EFL1: variants seen among roughly 807,000 people sequenced by gnomAD.
EFL1 encodes the protein elongation factor like GTPase 1.
EFL1 carries 76 observed loss-of-function variants against 126.7 expected under a neutral mutation model. The observed-to-expected ratio is 0.60, with a 90% CI of 0.50 to 0.73. The LOEUF (loss-of-function observed/expected upper bound fraction) is 0.73. EFL1 is among the 30% of genes least tolerant of loss of function. EFL1 has a pLI of 0.00. For missense variants in EFL1, 1,128 were observed against 1,343.2 expected (o/e 0.84, Z 2.50); for synonymous variants, 410 against 448.4 (o/e 0.91, Z 1.08).
rs2075141524 is a variant in EFL1 at position 82,262,709 on chromosome 15, CCG to C, written c.-117_-116del. The C allele has an allele frequency of 1.3e-6, 1 of 750,662 alleles. No individual in the cohort carries two copies. The highest frequency in any genetic ancestry group is 1.8e-5 in the African/African-American group (1 of 54,476). The allele number at this position is 750,662 out of a possible 1,614,324, so 46.5% of individuals were successfully genotyped here. A position where few individuals can be genotyped will look rare whatever the true frequency, so the allele number is the denominator to read the frequency against. Reference sequence around the variant, plus strand: ...CGAGAGCTCTGCGGGTCCGACACGCCCGCGCGCCAGGGGGCGGGGCCGGCTGT... The same window carrying C: ...CGAGAGCTCTGCGGGTCCGACACGCCCGCGCCAGGGGGCGGGGCCGGCTGT... On this transcript the variant is annotated 5_prime_UTR_variant, in exon 1 of 20. Coordinates refer to ENST00000268206, the MANE Select transcript of EFL1 (RefSeq NM_024580.6).
At chr15:82,210,745 G>A (rs1441721997) in intron 15 of EFL1, among the ~76,000 whole-genome samples, 2 of 151,636 alleles carry the variant, frequency 1.3e-5, no homozygotes, top group Admixed American at 6.6e-5. Flanking sequence ...GCTTGTAATC[G>A]CAGCTACTCG....
In EFL1 at chr15:82,130,535, C is replaced by T. The variant is rs1183063096; in HGVS notation, c.3201G>A (p.Val1067=). The change falls in exon 20 of 20, where the codon GTG becomes GTA. Residue 1067 remains valine, a synonymous_variant. Coordinates refer to ENST00000268206, the MANE Select transcript of EFL1 (RefSeq NM_024580.6). ...WEIIPSDPFW[V]PTTEEEYLHF... is the part of the protein sequence containing the mutation. ...GCAAGTATTCCTCCTCAGTAGTTGG[C>T]ACCCAGAAGGGGTCACTGGGAATGA... The T allele has an allele frequency of 1.2e-6, 2 of 1,613,990 alleles. No homozygotes were observed.
intron 16 of EFL1, among the ~76,000 whole-genome samples, chr15:82,161,762 A>G (rs1221998321): frequency 6.6e-6 from 1 of 152,208 alleles, no homozygotes; most frequent in African/African-American, 2.4e-5. Context: ...CATTTATTAG[A>G]CTATCTCATT....
intron 16 of EFL1, among the ~76,000 whole-genome samples, chr15:82,162,787 A>G (rs954012701): frequency 3.9e-5 from 6 of 152,208 alleles, no homozygotes; most frequent in African/African-American, 1.4e-4. Context: ...AGAACTTGAG[A>G]CAGCAATGAG....
At chr15:82,238,999 C>G (rs1385861281) in intron 6 of EFL1, among the ~76,000 whole-genome samples, 2 of 152,140 alleles carry the variant, frequency 1.3e-5, no homozygotes, top group Non-Finnish European at 2.9e-5. Flanking sequence ...TTATGTCCTA[C>G]CTCAGAGAGA....
intron 15 of EFL1, among the ~76,000 whole-genome samples, chr15:82,211,440 C>T (rs188950543): frequency 3.3e-5 from 5 of 151,294 alleles, no homozygotes; most frequent in East Asian, 3.9e-4. Flanking sequence ...GCAGAAGAAT[C>T]GCTTGAACCT....
At chr15:82,179,226 A>G (rs560580527) in intron 15 of EFL1, among the ~76,000 whole-genome samples, 1 of 152,306 alleles carries the variant, frequency 6.6e-6, no homozygotes, top group South Asian at 2.1e-4. Flanking sequence ...TTCCTAGTAT[A>G]CTCAGGTAAT....
At chr15:82,206,130 GAA>G (rs892610549) in intron 15 of EFL1, among the ~76,000 whole-genome samples, 1 of 151,976 alleles carries the variant, frequency 6.6e-6, no homozygotes, top group African/African-American at 2.4e-5. Context: ...ATGATAAAGA[GAA>G]TATAGCATAT....
chr15:82,247,225 T>C (rs971608471), intron 4 of EFL1, among the ~76,000 whole-genome samples: 5 of 152,008 alleles, frequency 3.3e-5, no homozygotes, highest in African/African-American at 7.3e-5. Flanking sequence ...GAAGGAAGTA[T>C]TTAAGTTTGA....
chr15:82,235,615 A>C (rs1183710914), intron 7 of EFL1, among the ~76,000 whole-genome samples: 1 of 152,192 alleles, frequency 6.6e-6, no homozygotes, highest in Non-Finnish European at 1.5e-5. Flanking sequence ...TATATTAATT[A>C]ATACAGAAAA....
intron 15 of EFL1, among the ~76,000 whole-genome samples, chr15:82,203,223 T>C (rs1434141992): frequency 6.6e-6 from 1 of 152,206 alleles, no homozygotes; most frequent in Non-Finnish European, 1.5e-5. Context: ...AAACAGACCT[T>C]AACTAATACT....
At chr15:82,233,435 G>A (rs958294276) in intron 7 of EFL1, among the ~76,000 whole-genome samples, 1 of 152,110 alleles carries the variant, frequency 6.6e-6, no homozygotes, top group African/African-American at 2.4e-5. Flanking sequence ...CTATCTTCCT[G>A]AATGACAACT....
In EFL1 at chr15:82,151,616, T is replaced by C. The variant is rs1267959706; in HGVS notation, c.2838A>G (p.Gly946=). The change falls in exon 18 of 20, where the codon GGA becomes GGG. Residue 946 remains glycine (G), a synonymous_variant. Transcript: ENST00000268206. ...EAFEKRTSQK[G]ESPLTDCYGP... ...CATAGCAGTCAGTGAGTGGAGATTC[T>C]CCTTTCTGTGATGTCCTCTTCTCAA... is the stretch of plus-strand genomic sequence containing the variant. The C allele has an allele frequency of 1.9e-6, 3 of 1,614,158 alleles. No homozygotes were observed. Among genetic ancestry groups the C allele is most frequent in the Non-Finnish European group, 2.5e-6 (3 of 1,180,012 alleles).
chr15:82,180,359 C>CAAAAAAAAAAAAA (rs71156028), intron 15 of EFL1, among the ~76,000 whole-genome samples: 3 of 120,598 alleles, frequency 2.5e-5, no homozygotes, highest in Non-Finnish European at 5.0e-5. Flanking sequence ...ATTAAACTGG[C>CAAAAAAAAAAAAA]AAAAAAAAAA....
chr15:82,141,700 A>C (rs1479725167), intron 18 of EFL1, among the ~76,000 whole-genome samples: 19 of 151,504 alleles, frequency 1.3e-4, no homozygotes, highest in East Asian at 7.7e-4. Flanking sequence ...AAAAAAAAAA[A>C]CAAAAAAGAA....
intron 15 of EFL1, among the ~76,000 whole-genome samples, chr15:82,209,164 T>A (rs1410178855): frequency 6.6e-6 from 1 of 152,150 alleles, no homozygotes; most frequent in Non-Finnish European, 1.5e-5. Flanking sequence ...TAAGTGAATT[T>A]AAAACATTAT....
At chr15:82,233,737 G>A (rs1021294919) in intron 7 of EFL1, 1 of 152,090 alleles carries the variant, frequency 6.6e-6, no homozygotes, top group Non-Finnish European at 1.5e-5. Flanking sequence ...GATAGATTTC[G>A]GGAGAAGACC....
intron 17 of EFL1, among the ~76,000 whole-genome samples, chr15:82,153,473 T>C (rs1265886597): frequency 1.3e-5 from 2 of 152,202 alleles, no homozygotes; most frequent in African/African-American, 4.8e-5. Context: ...AAAAAACTTA[T>C]TATGTATGAG....
In EFL1 at chr15:82,214,847, T is replaced by C. The variant is rs1359286622; in HGVS notation, c.1620A>G (p.Leu540=). ...GGCCATCTGGTGGAGCTGAGAAGCC[T>C]AATGGTACCTGGGCAAAGAAAAATG... ...SPLEFLRRVP[L]GFSAPPDGLP... The change falls in exon 15 of 20, where the codon TTA becomes TTG. Residue 540 remains leucine (L), a synonymous_variant. Transcript: ENST00000268206. The C allele has an allele frequency of 6.3e-7, 1 of 1,588,870 alleles. No homozygotes were observed. The highest frequency in any genetic ancestry group is 8.5e-7 in the Non-Finnish European group (1 of 1,172,532).
Sources: allele counts gnomAD v4.1 joint callset (sites outside exome capture counted in the v4.1 genomes callset), GRCh38; gene constraint gnomAD v4.1.1; transcripts MANE v1.5; gene names NCBI Gene and HGNC (gene_info 2026-07-23, HGNC 2026-07-21).